Variants in GNAQ observed in about 807,000 individuals in gnomAD.
GNAQ encodes the protein G protein subunit alpha q.
A neutral mutation model predicts 43.9 loss-of-function variants in GNAQ; 8 were observed. The observed-to-expected ratio is 0.18, with a 90% confidence interval of 0.11 to 0.33. The LOEUF is 0.33. Among genes scored for constraint, GNAQ ranks in the 10% least tolerant of loss-of-function variants. The pLI is 1.00. For synonymous variants in GNAQ, 155 were observed against 170.7 expected (o/e 0.91, Z 0.71); for missense variants, 158 against 450.8 (o/e 0.35, Z 5.88).
chr9:77,782,416 A>G (rs1233268752), intron 5 of GNAQ, among the ~76,000 whole-genome samples: 1 of 152,206 alleles, frequency 6.6e-6, no homozygotes, highest in Non-Finnish European at 1.5e-5. Flanking sequence ...ATAAGTCATT[A>G]GGGAAATGCA....
At chr9:77,722,006 T>C (rs536813604) in intron 6 of GNAQ, among the ~76,000 whole-genome samples, 1 of 152,346 alleles carries the variant, frequency 6.6e-6, no homozygotes, top group South Asian at 2.1e-4. Context: ...CACCTGTTTG[T>C]AAGGTCAGGT....
At position 77,923,184 on chromosome 9, in the gene GNAQ, G is replaced by A. The variant is rs559466381; in HGVS notation, c.137-839C>T. On this transcript the variant is annotated intron_variant, in intron 1 of 6. Transcript: ENST00000286548. ...ACACAGTATCCTGATAGGACAAGAA[G>A]AATCATTTTTCTAGATAACACATAT... 2.6e-5 allele frequency among the ~76,000 whole-genome samples: 4 copies of A among 152,184 alleles called. No individual in the cohort carries two copies. In the East Asian group the frequency reaches 5.8e-4, roughly 22 times the overall value.
intron 2 of GNAQ, among the ~76,000 whole-genome samples, chr9:77,818,998 T>A: frequency 1.8e-5 from 1 of 55,224 alleles, no homozygotes; most frequent in African/African-American, 8.9e-5. Flanking sequence ...AAATACCATC[T>A]CTCCAAAAAA....
chr9:77,918,960 C>T (rs1421794540), intron 2 of GNAQ, among the ~76,000 whole-genome samples: 5 of 152,122 alleles, frequency 3.3e-5, no homozygotes, highest in African/African-American at 4.8e-5. Flanking sequence ...TGCTCTGTTG[C>T]CCAGGCTGCA....
rs1034660610 is a variant in GNAQ at position 77,716,147 on chromosome 9, T to C, written c.*5176A>G. ...CTTGTTTATTTTGGAAAATGCAATATGCACAAGGTGTGTTAAGGAAGGAAA... is the reference window on the plus strand; with the variant it reads ...CTTGTTTATTTTGGAAAATGCAATACGCACAAGGTGTGTTAAGGAAGGAAA... On this transcript the variant is annotated 3_prime_UTR_variant, in exon 7 of 7. Transcript: ENST00000286548. The C allele has an allele frequency of 5.1e-6, 1 of 194,672 alleles. No individual in the cohort carries two copies. The highest frequency in any genetic ancestry group is 2.3e-5 in the African/African-American group (1 of 43,068). The allele number at this position is 194,672 out of a possible 1,614,324, so 12.1% of individuals were successfully genotyped here. A position where few individuals can be genotyped will look rare whatever the true frequency, so the allele number is the denominator to read the frequency against.
chr9:77,939,431 T>G (rs893962262), intron 1 of GNAQ, among the ~76,000 whole-genome samples: 1 of 152,216 alleles, frequency 6.6e-6, no homozygotes, highest in African/African-American at 2.4e-5. Context: ...TGAAAACTCA[T>G]TTATTTTTAC....
At chr9:77,761,009 G>C in intron 5 of GNAQ, among the ~76,000 whole-genome samples, 1 of 151,668 alleles carries the variant, frequency 6.6e-6, no homozygotes, top group East Asian at 2.0e-4. Context: ...CCCTCCGCCC[G>C]GCAGCCGCCC....
chr9:77,727,100 T>G (rs1825409020), intron 6 of GNAQ, among the ~76,000 whole-genome samples: 1 of 152,022 alleles, frequency 6.6e-6, no homozygotes, highest in African/African-American at 2.4e-5. Flanking sequence ...TTTTTTTTTT[T>G]TTTTTGAGAC....
chr9:77,902,437 C>T (rs1274484789), intron 2 of GNAQ, among the ~76,000 whole-genome samples: 2 of 152,132 alleles, frequency 1.3e-5, no homozygotes, highest in Non-Finnish European at 2.9e-5. Context: ...TGCTGACTTA[C>T]ATAATAAAAG....
chr9:77,772,052 T>C (rs1026600195), intron 5 of GNAQ, among the ~76,000 whole-genome samples: 4 of 152,120 alleles, frequency 2.6e-5, no homozygotes, highest in Non-Finnish European at 2.9e-5. Flanking sequence ...TACCTTCCCA[T>C]TGACAACAGT....
At chr9:77,986,316 C>CACCCTG (rs761983864) in intron 1 of GNAQ, among the ~76,000 whole-genome samples, 51 of 152,276 alleles carry the variant, frequency 3.3e-4, no homozygotes, top group Admixed American at 7.8e-4. Context: ...CAGTATTGTG[C>CACCCTG]ACCCTGGTCC....
chr9:77,936,241 T>C (rs1829230435), intron 1 of GNAQ, among the ~76,000 whole-genome samples: 1 of 152,126 alleles, frequency 6.6e-6, no homozygotes, highest in Non-Finnish European at 1.5e-5. Context: ...AAGCAAAAAC[T>C]AGAGTTAAAG....
intron 5 of GNAQ, among the ~76,000 whole-genome samples, chr9:77,791,056 T>G (rs151213280): frequency 6.6e-6 from 1 of 152,212 alleles, no homozygotes; most frequent in Non-Finnish European, 1.5e-5. Flanking sequence ...AAGGAGGGCC[T>G]AGGGTAGGGA....
At chr9:77,814,235 G>C (rs1350507062) in intron 3 of GNAQ, among the ~76,000 whole-genome samples, 3 of 152,082 alleles carry the variant, frequency 2.0e-5, no homozygotes, top group African/African-American at 7.2e-5. Context: ...AACTTATACA[G>C]TGGGAGCCCA....
rs1018655547 is a variant in GNAQ at position 77,808,337 on chromosome 9, C to G, written c.476+7279G>C. ...ACATCTTAGAATCATCAGCATTCAC[C>G]GAGGAAGACAAATGCAGGGCTTTTT... On this transcript the variant is annotated intron_variant, in intron 3 of 6. Transcript: ENST00000286548. Among the ~76,000 whole-genome samples the G allele has an allele frequency of 2.7e-5, 4 of 150,386 alleles. 1 individual carries two copies. The highest frequency in any genetic ancestry group is 5.9e-5 in the Non-Finnish European group (4 of 67,728).
At chr9:77,933,505 C>T (rs756770171) in intron 1 of GNAQ, among the ~76,000 whole-genome samples, 4 of 152,056 alleles carry the variant, frequency 2.6e-5, no homozygotes, top group South Asian at 4.2e-4. Flanking sequence ...ATTAGCCAGA[C>T]GGGGTGGTGC....
intron 3 of GNAQ, among the ~76,000 whole-genome samples, chr9:77,813,488 A>G (rs1826960585): frequency 6.6e-6 from 1 of 152,196 alleles, no homozygotes; most frequent in Non-Finnish European, 1.5e-5. Flanking sequence ...AGCAAGTTAG[A>G]TATGGCAGCA....
intron 2 of GNAQ, among the ~76,000 whole-genome samples, chr9:77,881,833 G>T (rs1828212499): frequency 6.6e-6 from 1 of 152,158 alleles, no homozygotes; most frequent in South Asian, 2.1e-4. Context: ...CAGTTGCCAA[G>T]AATTCTTCTA....
intron 5 of GNAQ, among the ~76,000 whole-genome samples, chr9:77,740,535 A>T (rs1166742828): frequency 1.3e-5 from 2 of 152,238 alleles, no homozygotes; most frequent in Non-Finnish European, 1.5e-5. Flanking sequence ...TTATTGGCTT[A>T]AAAGTTTTTG....
Sources: gnomAD v4.1 joint callset for allele counts (sites outside exome capture counted in the v4.1 genomes callset) on GRCh38, gnomAD v4.1.1 for gene constraint, MANE v1.5 for transcripts, NCBI Gene and HGNC (gene_info 2026-07-23, HGNC 2026-07-21) for gene names.